USP25: variants seen among roughly 807,000 people sequenced by gnomAD.
USP25 encodes ubiquitin specific peptidase 25.
A neutral mutation model predicts 158.5 loss-of-function variants in USP25; 85 were observed. That is an observed-to-expected ratio of 0.54 (90% CI 0.45 to 0.64). USP25 has a LOEUF of 0.64. USP25 is among the 30% of genes least tolerant of loss of function. The probability of loss-of-function intolerance (pLI) is 0.00; values close to 1 mark genes in which losing one functional copy is unlikely to be tolerated. For synonymous variants in USP25, 464 were observed against 460.4 expected, an observed-to-expected ratio of 1.01 and a Z score of -0.10; for missense variants, 1,242 against 1,327.3, an observed-to-expected ratio of 0.94 and a Z score of 1.00.
At chr21:15,736,036 A>G (rs971452061) in intron 1 of USP25, among the ~76,000 whole-genome samples, 5 of 151,012 alleles carry the variant, frequency 3.3e-5, no homozygotes, top group Admixed American at 6.6e-5. Flanking sequence ...GTATGTAGAC[A>G]TGCCATTTTT....
chr21:15,870,614 A>G (rs935729315), intron 23 of USP25, among the ~76,000 whole-genome samples: 7 of 152,206 alleles, frequency 4.6e-5, no homozygotes, highest in African/African-American at 1.7e-4. Flanking sequence ...TTTAATTGTT[A>G]TTAAGAAGAA....
chr21:15,860,605 TC>T (rs1259377034), intron 20 of USP25, among the ~76,000 whole-genome samples: 3 of 152,158 alleles, frequency 2.0e-5, no homozygotes, highest in African/African-American at 4.8e-5. Context: ...TATTTATAAT[TC>T]CTATTTGTAT....
intron 1 of USP25, among the ~76,000 whole-genome samples, 171 bp downstream of exon 1, chr21:15,730,609 C>T (rs1474278798): frequency 6.6e-6 from 1 of 152,174 alleles, no homozygotes; most frequent in Non-Finnish European, 1.5e-5. Context: ...AGCCCAGCTG[C>T]GTGTGGGAAG....
chr21:15,872,393 G>A (rs1302084830), intron 23 of USP25, among the ~76,000 whole-genome samples: 1 of 152,168 alleles, frequency 6.6e-6, no homozygotes, highest in African/African-American at 2.4e-5. Flanking sequence ...ACAAGGTCAT[G>A]GTTTCAGAGC....
At position 15,762,433 on chromosome 21, in the gene USP25, TG is replaced by T. The variant is rs1487476290; in HGVS notation, c.46-456del. On this transcript the variant is annotated intron_variant, in intron 1 of 25. Transcript: ENST00000400183. The stretch of plus-strand genomic sequence containing the variant: ...CAATTTAGAATCTTTTATGACAGAT[TG>T]GACAGTGAAATGATCTTCTTTTTAA... Among the ~76,000 whole-genome samples the T allele has an allele frequency of 2.6e-5, 4 of 152,190 alleles. No individual in the cohort carries two copies. In the South Asian group the frequency reaches 8.3e-4, roughly 32 times the overall value.
At chr21:15,851,586 G>A (rs2038891234) in intron 20 of USP25, among the ~76,000 whole-genome samples, 1 of 151,796 alleles carries the variant, frequency 6.6e-6, no homozygotes, top group Non-Finnish European at 1.5e-5. Context: ...TATTATGTAT[G>A]CTATATGTGA....
intron 3 of USP25, among the ~76,000 whole-genome samples, chr21:15,772,428 G>T (rs756861475): frequency 1.3e-5 from 2 of 152,190 alleles, no homozygotes; most frequent in Non-Finnish European, 2.9e-5. Flanking sequence ...GTTCCCATGT[G>T]TGTGCTGTTG....
At chr21:15,732,422 C>G (rs1020439000) in intron 1 of USP25, among the ~76,000 whole-genome samples, 2 of 152,086 alleles carry the variant, frequency 1.3e-5, no homozygotes, top group Admixed American at 6.5e-5. Context: ...CCATCTACCT[C>G]GATAAGTTGA....
rs2040222880 is a variant in USP25, at chr21:15,879,785, A to T, written c.*1310A>T. On this transcript the variant is annotated 3_prime_UTR_variant, in exon 26 of 26. Coordinates refer to ENST00000400183, the MANE Select transcript of USP25 (RefSeq NM_001283041.3). ...GCCTCTCACAAAAGATCCTGGATGG[A>T]GGAGTAAGATGAAATATTATGCTAT... The T allele has an allele frequency of 6.6e-6, 1 of 152,574 alleles. No homozygotes were observed. Among genetic ancestry groups the T allele is most frequent in the Non-Finnish European group, 1.5e-5 (1 of 68,000 alleles). 9.5% of individuals were successfully genotyped at this position (152,574 alleles called of 1,614,324 possible).
At chr21:15,739,740 G>A (rs553279659) in intron 1 of USP25, among the ~76,000 whole-genome samples, 26 of 152,238 alleles carry the variant, frequency 1.7e-4, no homozygotes, top group East Asian at 7.7e-4. Context: ...TATAATCACT[G>A]ATTTTTGTTA....
At position 15,840,155 on chromosome 21, in the gene USP25, A is replaced by G. The variant is rs537164026; in HGVS notation, c.2195-2243A>G. 2.6e-5 allele frequency among the ~76,000 whole-genome samples: 4 copies of G among 152,194 alleles called. No homozygotes were observed. In the South Asian group the frequency reaches 8.3e-4, roughly 32 times the overall value. On this transcript the variant is annotated intron_variant, in intron 17 of 25. Coordinates refer to ENST00000400183, the MANE Select transcript of USP25 (RefSeq NM_001283041.3). ...ATTCCTTCTGCCTGGAATCTTTTCT[A>G]TTCTTTTCTCCAAGATAATCCTCTA...
intron 5 of USP25, among the ~76,000 whole-genome samples, chr21:15,793,071 A>C (rs1160023603): frequency 6.6e-6 from 1 of 151,618 alleles, no homozygotes; most frequent in Admixed American, 6.6e-5. Flanking sequence ...ATAATTTTAA[A>C]ATATTAAGTA....
Position 15,843,325 on chromosome 21 carries a change from C to T in USP25, c.2337+785C>T, listed in dbSNP as rs187506529. 4.1e-4 allele frequency among the ~76,000 whole-genome samples: 63 copies of T among 152,238 alleles called. No individual in the cohort carries two copies. The Middle Eastern group carries it at 0.017, about 41-fold the overall frequency. On this transcript the variant is annotated intron_variant, in intron 18 of 25. Coordinates refer to ENST00000400183, the MANE Select transcript of USP25 (RefSeq NM_001283041.3). The surrounding 1 kb of genome is among the most constrained non-coding windows in gnomAD (Gnocchi z 4.0). ...AATATTTGAAGATTCCCCTTGACAACTAAAAAGAGTACGACATATCATAAT... is the reference window on the plus strand; with the variant it reads ...AATATTTGAAGATTCCCCTTGACAATTAAAAAGAGTACGACATATCATAAT...
chr21:15,839,263 C>T (rs2038212489), intron 17 of USP25, among the ~76,000 whole-genome samples: 1 of 152,050 alleles, frequency 6.6e-6, no homozygotes, highest in Non-Finnish European at 1.5e-5. Flanking sequence ...AGGGAAAACC[C>T]TAGAGAAAAT....
In USP25 at chr21:15,864,366, C is replaced by G. The variant is rs769399229; in HGVS notation, c.2646C>G (p.Ile882Met). Residue 882 changes from isoleucine to methionine, a missense_variant, in exon 21 of 26, where the codon ATC (isoleucine) becomes ATG (methionine). Transcript: ENST00000400183. ...YRLHHVVVYFIQNQAPKKIIE... is the reference protein window; with the variant it reads ...YRLHHVVVYFMQNQAPKKIIE... ...TACATCATGTAGTGGTCTACTTTATCCAGAACCAGGCACCAAAGAAAATTA... is the reference window on the plus strand; with the variant it reads ...TACATCATGTAGTGGTCTACTTTATGCAGAACCAGGCACCAAAGAAAATTA... 13 of 1,613,174 alleles carry G rather than the reference C, an allele frequency of 8.1e-6. No homozygotes were observed. Among genetic ancestry groups the G allele is most frequent in the Non-Finnish European group, 1.1e-5 (13 of 1,179,760 alleles).
chr21:15,812,645 C>T lies in USP25; in HGVS notation c.931+1435C>T, dbSNP rs1341274707. 4.1e-5 allele frequency among the ~76,000 whole-genome samples: 6 copies of T among 147,048 alleles called. No homozygotes were observed. The East Asian group carries it at 7.9e-4, about 19-fold the overall frequency. On this transcript the variant is annotated intron_variant, in intron 9 of 25. Transcript: ENST00000400183. ...CAGCCTGGGAGACAGAGCGAGACTC[C>T]GTCTCAAAAAAAAAAAAAAAATTAA...
At chr21:15,871,085 C>T (rs1162784252) in intron 23 of USP25, among the ~76,000 whole-genome samples, 1 of 151,840 alleles carries the variant, frequency 6.6e-6, no homozygotes, top group African/African-American at 2.4e-5. Flanking sequence ...TTGGACAGTA[C>T]TATTCTAGAG....
chr21:15,835,923 A>G (rs1482677053), intron 17 of USP25, among the ~76,000 whole-genome samples: 2 of 152,224 alleles, frequency 1.3e-5, no homozygotes, highest in East Asian at 1.9e-4. Flanking sequence ...GGATAGTTTC[A>G]CATATCATAA....
chr21:15,831,980 A>G (rs1345800654), intron 16 of USP25, among the ~76,000 whole-genome samples: 2 of 152,152 alleles, frequency 1.3e-5, no homozygotes, highest in African/African-American at 2.4e-5. Context: ...ATTGATCACC[A>G]GTGTTCCTTT....
Sources: allele counts gnomAD v4.1 joint callset (sites outside exome capture counted in the v4.1 genomes callset), GRCh38; gene constraint gnomAD v4.1.1; non-coding constraint Gnocchi (gnomAD v3.1); transcripts MANE v1.5; gene names NCBI Gene and HGNC (gene_info 2026-07-23, HGNC 2026-07-21).